AFG3L2: variants seen among roughly 807,000 people sequenced by gnomAD.
The protein encoded by AFG3L2 is mitochondrial inner membrane m-AAA protease component AFG3L2.
AFG3L2 carries 54 observed loss-of-function variants against 94.5 expected under a neutral mutation model. The observed-to-expected ratio is 0.57, with a 90% CI of 0.46 to 0.72. AFG3L2 has a LOEUF of 0.72. Ranked by LOEUF, AFG3L2 falls within the 30% of genes least tolerant of loss-of-function variation. The pLI, the probability that AFG3L2 is intolerant of heterozygous loss-of-function variation, is 0.00. For synonymous variants in AFG3L2, 377 were observed against 365.5 expected (o/e 1.03, Z -0.36); for missense variants, 754 against 994.9 (o/e 0.76, Z 3.26).
chr18:12,332,950 AT>A (rs1452226100), intron 16 of AFG3L2, among the ~76,000 whole-genome samples: 11 of 120,708 alleles, frequency 9.1e-5, no homozygotes, highest in African/African-American at 2.2e-4. Flanking sequence ...CATATAATAT[AT>A]TATATACTAT....
In AFG3L2 at chr18:12,337,461, C is replaced by A; in HGVS notation, c.2055G>T (p.Leu685Phe). ...FDLPRQGDMV[L>F]EKPYSEATAR... is the part of the protein sequence containing the mutation. The stretch of plus-strand genomic sequence containing the variant: ...CAGTGGCTTCACTGTAAGGTTTCTC[C>A]AATACCATGTCCCCCTGACGTGGGA... Residue 685 changes from leucine (L) to phenylalanine (F), a missense_variant, in exon 16 of 17, where the codon TTG becomes TTT. By Grantham distance (22) the Leu-to-Phe change is conservative. This residue lies in a region of AFG3L2 where 279 missense variants were observed against 378.6 expected (regional missense o/e 0.74). Transcript: ENST00000269143. 1 of 1,614,240 alleles carries A rather than the reference C, an allele frequency of 6.2e-7. No homozygotes were observed. Among genetic ancestry groups the A allele is most frequent in the African/African-American group, 1.3e-5 (1 of 75,058 alleles).
At chr18:12,370,698 A>C in intron 3 of AFG3L2, 151 bp downstream of exon 3, 1 of 587,212 alleles carries the variant, frequency 1.7e-6, no homozygotes, top group Non-Finnish European at 3.1e-6. Flanking sequence ...GGCTCAAGTG[A>C]TCCACCCGCC....
intron 16 of AFG3L2, among the ~76,000 whole-genome samples, chr18:12,335,211 G>C (rs1363793613): frequency 6.6e-6 from 1 of 152,140 alleles, no homozygotes; most frequent in Non-Finnish European, 1.5e-5. Flanking sequence ...CACAGGAATG[G>C]ACAAAGACCA....
rs1162687991 is a variant in AFG3L2 at position 12,377,130 on chromosome 18, C to G, written c.-48G>C. 1 of 1,301,702 alleles carries G rather than the reference C, an allele frequency of 7.7e-7. No individual in the cohort carries two copies. Among genetic ancestry groups the G allele is most frequent in the African/African-American group, 1.6e-5 (1 of 63,670 alleles). The allele number at this position is 1,301,702 out of a possible 1,614,324, so 80.6% of individuals were successfully genotyped here. A position where few individuals can be genotyped will look rare whatever the true frequency, so the allele number is the denominator to read the frequency against. On this transcript the variant is annotated 5_prime_UTR_variant, in exon 1 of 17. Coordinates refer to ENST00000269143, the MANE Select transcript of AFG3L2 (RefSeq NM_006796.3). ...GCCCGGGACGCTGCGCAGGCGCGGG[C>G]AGGCGACGACTGGCGGCCTCGGGAA...
intron 16 of AFG3L2, among the ~76,000 whole-genome samples, chr18:12,333,184 TAAA>T (rs1568132233): frequency 5.9e-5 from 7 of 117,732 alleles, no homozygotes; most frequent in African/African-American, 2.5e-4. Context: ...GATAATATAA[TAAA>T]TAATATATAT....
Position 12,329,232 on chromosome 18 carries a change from A to G in AFG3L2, c.*333T>C, listed in dbSNP as rs371759084. On this transcript the variant is annotated 3_prime_UTR_variant, in exon 17 of 17. Coordinates refer to ENST00000269143, the MANE Select transcript of AFG3L2 (RefSeq NM_006796.3). ...ATCCCTTCCCACACGCCAAGAGTCCAGTGCAACGATCCCTGCCACACGGTC... is the reference window on the plus strand; with the variant it reads ...ATCCCTTCCCACACGCCAAGAGTCCGGTGCAACGATCCCTGCCACACGGTC... The G allele has an allele frequency of 5.7e-6, 4 of 702,566 alleles. No individual in the cohort carries two copies. Among genetic ancestry groups the G allele is most frequent in the Middle Eastern group, 2.4e-4 (1 of 4,136 alleles). The allele number at this position is 702,566 out of a possible 1,614,324, so 43.5% of individuals were successfully genotyped here.
intron 9 of AFG3L2, 121 bp downstream of exon 9, chr18:12,356,573 G>A (rs1908502222): frequency 1.4e-6 from 2 of 1,416,864 alleles, no homozygotes; most frequent in African/African-American, 1.4e-5. Flanking sequence ...GCTCAGGCCA[G>A]GGACTGGTGA....
chr18:12,337,189 G>A (rs1442662265), intron 16 of AFG3L2, 152 bp downstream of exon 16: 1 of 731,718 alleles, frequency 1.4e-6, no homozygotes, highest in Non-Finnish European at 2.4e-6. Flanking sequence ...CTTGAAGACA[G>A]AGCAGACAAC....
Position 12,358,909 on chromosome 18 carries a change from T to G in AFG3L2, c.787A>C (p.Ile263Leu). Reference sequence around the variant, plus strand: ...ATGGTGTAGAGCAAGAAGGCGATGATGAGCACCGTAGGCAGCATGCTCAGC... The same window carrying G: ...ATGGTGTAGAGCAAGAAGGCGATGAGGAGCACCGTAGGCAGCATGCTCAGC... ...FLLSMLPTVL[I>L]IAFLLYTIRR... The change falls in exon 8 of 17, where the codon ATC becomes CTC. Residue 263 changes from isoleucine to leucine, a missense_variant. Ile to Leu is a conservative substitution (Grantham distance 5, BLOSUM62 2). Transcript: ENST00000269143. 1 of 1,614,160 alleles carries G rather than the reference T, an allele frequency of 6.2e-7. No homozygotes were observed. The highest frequency in any genetic ancestry group is 1.1e-5 in the South Asian group (1 of 91,084).
chr18:12,329,441 T>C lies in AFG3L2; in HGVS notation c.*124A>G. On this transcript the variant is annotated 3_prime_UTR_variant, in exon 17 of 17. Transcript: ENST00000269143. ...GGACTAAGGACTCCTTTCCCCATCA[T>C]TTCAGCTGGGCCAGTGGCTGGCTAA... 9.5e-7 allele frequency: 1 copy of C among 1,050,254 alleles called. No homozygotes were observed. Among genetic ancestry groups the C allele is most frequent in the Non-Finnish European group, 1.5e-6 (1 of 674,744 alleles). 65.1% of individuals were successfully genotyped at this position (1,050,254 alleles called of 1,614,324 possible).
chr18:12,333,205 TAA>T (rs1907630676), intron 16 of AFG3L2, among the ~76,000 whole-genome samples: 1 of 121,882 alleles, frequency 8.2e-6, no homozygotes, highest in Non-Finnish European at 1.6e-5. Context: ...TATAATAATC[TAA>T]TATATAATCT....
At chr18:12,343,138 G>C (rs1381307763) in intron 14 of AFG3L2, 1 of 152,188 alleles carries the variant, frequency 6.6e-6, no homozygotes, top group Non-Finnish European at 1.5e-5. Flanking sequence ...CAATGTGCAT[G>C]TCCTACAAAT....
intron 3 of AFG3L2, among the ~76,000 whole-genome samples, chr18:12,370,122 C>T (rs1908935388): frequency 6.6e-6 from 1 of 151,214 alleles, no homozygotes; most frequent in Non-Finnish European, 1.5e-5. Flanking sequence ...CCACTCAGTC[C>T]CCCAGCCACC....
At position 12,359,807 on chromosome 18, in the gene AFG3L2, TG is replaced by T. The variant is rs1042752518; in HGVS notation, c.752+119del. On this transcript the variant is annotated intron_variant, in intron 7 of 16. Coordinates refer to ENST00000269143, the MANE Select transcript of AFG3L2 (RefSeq NM_006796.3). ...AGTTACTAATAGTTTTTTAAAAATCTGGCCAAACTGATAAAGGCCTGTTTGA... is the reference window on the plus strand; with the variant it reads ...AGTTACTAATAGTTTTTTAAAAATCTGCCAAACTGATAAAGGCCTGTTTGA... 6 of 1,329,484 alleles carry T rather than the reference TG, an allele frequency of 4.5e-6. No homozygotes were observed. In the African/African-American group the frequency reaches 8.8e-5, roughly 19 times the overall value. 82.4% of individuals were successfully genotyped at this position (1,329,484 alleles called of 1,614,324 possible). A position where few individuals can be genotyped will look rare whatever the true frequency, so the allele number is the denominator to read the frequency against.
At chr18:12,366,133 C>T (rs566404302) in intron 5 of AFG3L2, among the ~76,000 whole-genome samples, 8 of 152,282 alleles carry the variant, frequency 5.3e-5, no homozygotes, top group African/African-American at 1.9e-4. Context: ...GCCTCGGCCT[C>T]CCAAAGTGCT....
chr18:12,343,966 A>G (rs1908037595), intron 14 of AFG3L2, 166 bp downstream of exon 14: 7 of 655,038 alleles, frequency 1.1e-5, no homozygotes, highest in Non-Finnish European at 1.9e-5. Context: ...TTTTATATTT[A>G]TCTATGGGAC....
chr18:12,370,695 G>A (rs960483374), intron 3 of AFG3L2, among the ~76,000 whole-genome samples, 154 bp downstream of exon 3: 1 of 152,180 alleles, frequency 6.6e-6, no homozygotes, highest in African/African-American at 2.4e-5. Context: ...CTGGGCTCAA[G>A]TGATCCACCC....
chr18:12,329,085 A>G lies in AFG3L2; in HGVS notation c.*480T>C. ...GACAGCAACAAGTGATCTGGATTCAATCTTTAAAATATTAAGTCAAATTAA... is the reference window on the plus strand; with the variant it reads ...GACAGCAACAAGTGATCTGGATTCAGTCTTTAAAATATTAAGTCAAATTAA... On this transcript the variant is annotated 3_prime_UTR_variant, in exon 17 of 17. Coordinates refer to ENST00000269143, the MANE Select transcript of AFG3L2 (RefSeq NM_006796.3). 2 of 701,676 alleles carry G rather than the reference A, an allele frequency of 2.9e-6. No individual in the cohort carries two copies. Among genetic ancestry groups the G allele is most frequent in the South Asian group, 3.0e-5 (2 of 67,478 alleles). 43.5% of individuals were successfully genotyped at this position (701,676 alleles called of 1,614,324 possible). A position where few individuals can be genotyped will look rare whatever the true frequency, so the allele number is the denominator to read the frequency against.
At chr18:12,333,251 TATATAGATTATATATTATAA>T (rs1459498677) in intron 16 of AFG3L2, among the ~76,000 whole-genome samples, 16 of 126,834 alleles carry the variant, frequency 1.3e-4, no homozygotes, top group Admixed American at 9.5e-4. Context: ...ATTATATAAA[TATATAGATTATATATTATAA>T]ATATAGATTA....
Sources: gnomAD v4.1 joint callset for allele counts (sites outside exome capture counted in the v4.1 genomes callset) on GRCh38, gnomAD v4.1.1 for gene constraint, gnomAD v4.1.1 regional missense constraint, MANE v1.5 for transcripts, NCBI Gene and HGNC (gene_info 2026-07-23, HGNC 2026-07-21) for gene names.